Variants in RORB observed in about 807,000 individuals in gnomAD.
RORB encodes the protein RAR related orphan receptor B.
Under a neutral mutation model 59.1 loss-of-function variants are expected in RORB, and 6 were observed. The observed-to-expected ratio is 0.10, with a 90% CI of 0.06 to 0.20. The LOEUF (loss-of-function observed/expected upper bound fraction) is 0.20, where lower values mean the gene tolerates loss of function less well. Among genes scored for constraint, RORB ranks in the 10% least tolerant of loss-of-function variants. The pLI, the probability that RORB is intolerant of heterozygous loss-of-function variation, is 1.00. For missense variants in RORB, 320 were observed against 560.5 expected, an observed-to-expected ratio of 0.57 and a Z score of 4.33; for synonymous variants, 215 against 204.5, an observed-to-expected ratio of 1.05 and a Z score of -0.44.
chr9:74,534,391 A>T (rs1022246304), intron 1 of RORB, among the ~76,000 whole-genome samples: 27 of 152,054 alleles, frequency 1.8e-4, no homozygotes, highest in Non-Finnish European at 2.9e-4. Context: ...ACACAAAAGC[A>T]GATAAGCCAC....
At chr9:74,680,450 T>C (rs1361896340) in intron 9 of RORB, among the ~76,000 whole-genome samples, 2 of 152,200 alleles carry the variant, frequency 1.3e-5, no homozygotes, top group Non-Finnish European at 2.9e-5. Context: ...AGCAACTTGC[T>C]GACTCTCAGT....
chr9:74,498,176 G>C, intron 1 of RORB, 193 bp downstream of exon 1: 4 of 669,702 alleles, frequency 6.0e-6, no homozygotes, highest in Middle Eastern at 4.1e-4. Flanking sequence ...GATGTCTTTC[G>C]GGAGTTCTGG....
intron 3 of RORB, among the ~76,000 whole-genome samples, chr9:74,640,410 C>T (rs1368736218): frequency 6.6e-6 from 1 of 150,408 alleles, no homozygotes; most frequent in East Asian, 2.0e-4. Context: ...CCCACAAGCA[C>T]ATACCACCAT....
In RORB at chr9:74,635,977, A is replaced by G. The variant is rs557676053; in HGVS notation, c.235+1205A>G. Among the ~76,000 whole-genome samples, 258 of 149,922 alleles carry G rather than the reference A, an allele frequency of 1.7e-3. 1 individual carries two copies. Among genetic ancestry groups the G allele is most frequent in the African/African-American group, 5.5e-3 (228 of 41,118 alleles). ...TGACCAAAAAAAAAAAAAAAACAGA[A>G]TCTGACCTGAAACCCTTCAGTTTAT... On this transcript the variant is annotated intron_variant, in intron 3 of 9. Transcript: ENST00000376896.
intron 1 of RORB, among the ~76,000 whole-genome samples, chr9:74,532,529 C>G (rs573512968): frequency 6.6e-6 from 1 of 151,970 alleles, no homozygotes; most frequent in African/African-American, 2.4e-5. Flanking sequence ...TTCAACATAT[C>G]CAACAAATCC....
At chr9:74,534,242 C>T (rs886916446) in intron 1 of RORB, among the ~76,000 whole-genome samples, 4 of 151,912 alleles carry the variant, frequency 2.6e-5, no homozygotes, top group African/African-American at 7.2e-5. Flanking sequence ...CTCTCAGATA[C>T]GGAATGGTGA....
At chr9:74,637,602 C>T (rs867079569) in intron 3 of RORB, among the ~76,000 whole-genome samples, 5 of 151,798 alleles carry the variant, frequency 3.3e-5, no homozygotes, top group Admixed American at 2.6e-4. Context: ...TTTCTTTTAC[C>T]TACACCCTTT....
At chr9:74,684,339 A>G (rs1824599631) in intron 9 of RORB, among the ~76,000 whole-genome samples, 1 of 152,164 alleles carries the variant, frequency 6.6e-6, no homozygotes, top group Admixed American at 6.5e-5. Flanking sequence ...CTAACTGGTG[A>G]TGAGATAGGT....
At chr9:74,514,113 C>T (rs775269797) in intron 1 of RORB, among the ~76,000 whole-genome samples, 12 of 152,200 alleles carry the variant, frequency 7.9e-5, no homozygotes, top group South Asian at 2.1e-4. Context: ...TAGATGACCA[C>T]GCACAATCAT....
chr9:74,550,495 A>G (rs1394966737), intron 1 of RORB, among the ~76,000 whole-genome samples: 1 of 152,234 alleles, frequency 6.6e-6, no homozygotes, highest in Non-Finnish European at 1.5e-5. Flanking sequence ...TAGGGTTGAG[A>G]AATACTTTTC....
chr9:74,668,814 T>C (rs186693685), intron 8 of RORB, among the ~76,000 whole-genome samples: 11 of 152,216 alleles, frequency 7.2e-5, no homozygotes, highest in Admixed American at 6.5e-4. Flanking sequence ...AAAATCTTCA[T>C]ATAACTTGAC....
intron 8 of RORB, among the ~76,000 whole-genome samples, chr9:74,671,553 A>T (rs1256028405): frequency 6.6e-6 from 1 of 152,230 alleles, no homozygotes; most frequent in Non-Finnish European, 1.5e-5. Flanking sequence ...GCAGTAGATT[A>T]TCTGAACCAT....
At chr9:74,570,073 C>G (rs574447852) in intron 1 of RORB, among the ~76,000 whole-genome samples, 35 of 152,106 alleles carry the variant, frequency 2.3e-4, no homozygotes, top group African/African-American at 6.5e-4. Flanking sequence ...TACTAAAATT[C>G]TTCCTTCTTC....
intron 1 of RORB, among the ~76,000 whole-genome samples, chr9:74,515,051 A>C (rs2118052340): frequency 6.7e-6 from 1 of 149,162 alleles, no homozygotes; most frequent in South Asian, 2.2e-4. Flanking sequence ...GTAAATCAAA[A>C]CCTGGCCAAT....
chr9:74,528,973 T>C (rs1057097437), intron 1 of RORB, among the ~76,000 whole-genome samples: 1 of 152,058 alleles, frequency 6.6e-6, no homozygotes, highest in Admixed American at 6.6e-5. Flanking sequence ...AGGATTCAAA[T>C]TCTTGAAACT....
At chr9:74,649,364 A>T (rs951918703) in intron 4 of RORB, among the ~76,000 whole-genome samples, 4 of 152,332 alleles carry the variant, frequency 2.6e-5, no homozygotes, top group African/African-American at 9.6e-5. Context: ...TGCCAACCAC[A>T]GAATATCTCC....
chr9:74,598,519 G>A (rs998604899), intron 1 of RORB, among the ~76,000 whole-genome samples: 8 of 152,020 alleles, frequency 5.3e-5, no homozygotes, highest in African/African-American at 1.9e-4. Flanking sequence ...ACAAAGTATA[G>A]TTTATATTTG....
Position 74,686,237 on chromosome 9 carries a change from T to C in RORB, c.*619T>C, listed in dbSNP as rs1824641153. On this transcript the variant is annotated 3_prime_UTR_variant, in exon 10 of 10. Transcript: ENST00000376896. ...CCTTCTGTGTTATATGTTACCTTTATGTTAGACAATCAGGATTTTGTTTTC... is the reference window on the plus strand; with the variant it reads ...CCTTCTGTGTTATATGTTACCTTTACGTTAGACAATCAGGATTTTGTTTTC... The C allele has an allele frequency of 6.5e-6, 1 of 152,690 alleles. No homozygotes were observed. Among genetic ancestry groups the C allele is most frequent in the African/African-American group, 2.4e-5 (1 of 41,460 alleles). The allele number at this position is 152,690 out of a possible 1,614,324, so 9.5% of individuals were successfully genotyped here. A position where few individuals can be genotyped will look rare whatever the true frequency, so the allele number is the denominator to read the frequency against.
chr9:74,647,503 G>T lies in RORB; in HGVS notation c.637+4688G>T, dbSNP rs370430889. On this transcript the variant is annotated intron_variant, in intron 4 of 9. Transcript: ENST00000376896. ...ATTGCCTTTTACAAACATCACCATGGTTTGCTCTTCTATTCAGTAACTTTC... is the reference window on the plus strand; with the variant it reads ...ATTGCCTTTTACAAACATCACCATGTTTTGCTCTTCTATTCAGTAACTTTC... Among the ~76,000 whole-genome samples, 9 of 152,188 alleles carry T rather than the reference G, an allele frequency of 5.9e-5. No homozygotes were observed. The East Asian group carries it at 1.7e-3, about 29-fold the overall frequency.
Sources: gnomAD v4.1 joint callset for allele counts (sites outside exome capture counted in the v4.1 genomes callset) on GRCh38, gnomAD v4.1.1 for gene constraint, MANE v1.5 for transcripts, NCBI Gene and HGNC (gene_info 2026-07-23, HGNC 2026-07-21) for gene names.